Variants in C8orf89 observed in about 807,000 individuals in gnomAD.
The protein encoded by C8orf89 is putative uncharacterized protein C8orf89.
In C8orf89, 14 loss-of-function variants were observed where a neutral mutation model predicts 15.8. The observed-to-expected ratio is 0.89, with a 90% CI of 0.59 to 1.39. The LOEUF (loss-of-function observed/expected upper bound fraction) is 1.39. Among genes scored for constraint, C8orf89 ranks in the 40% most tolerant of loss-of-function variants. C8orf89 has a pLI of 0.00. For missense variants in C8orf89, 181 were observed against 184.5 expected (o/e 0.98, Z 0.11); for synonymous variants, 55 against 62.2 (o/e 0.88, Z 0.54).
At chr8:73,246,072 A>G (rs1813115752) in intron 3 of C8orf89, among the ~76,000 whole-genome samples, 2 of 152,258 alleles carry the variant, frequency 1.3e-5, no homozygotes, top group Admixed American at 1.3e-4. Flanking sequence ...AAAAAATGCC[A>G]AATGAGATAT....
At chr8:73,265,143 G>T in the C8orf89 span, among the ~76,000 whole-genome samples, 1 of 151,846 alleles carries the variant, frequency 6.6e-6, no homozygotes, top group African/African-American at 2.4e-5. Flanking sequence ...ATTTTATGTT[G>T]AAATGATACT....
At chr8:73,262,829 A>G (rs367697668), upstream of C8orf89, among the ~76,000 whole-genome samples, 2 of 146,504 alleles carry the variant, frequency 1.4e-5, no homozygotes, top group Non-Finnish European at 1.5e-5. Flanking sequence ...AAAAAAAAAA[A>G]TTGAAAAAAA....
At chr8:73,274,340 A>G in the C8orf89 span, among the ~76,000 whole-genome samples, 4 of 151,984 alleles carry the variant, frequency 2.6e-5, no homozygotes, top group Non-Finnish European at 5.9e-5. Context: ...TTTAGTAGAG[A>G]TGGGGTTTCA....
chr8:73,275,610 G>T, the C8orf89 span, among the ~76,000 whole-genome samples: 1 of 152,078 alleles, frequency 6.6e-6, no homozygotes, highest in Non-Finnish European at 1.5e-5. Context: ...TTCCCTAAAA[G>T]TGTTTATTTG....
the C8orf89 span, among the ~76,000 whole-genome samples, chr8:73,274,180 A>G: frequency 2.6e-5 from 4 of 151,948 alleles, no homozygotes; most frequent in East Asian, 1.9e-4. Context: ...TTGAGATGGA[A>G]TCTTGCTCTG....
intron 2 of C8orf89, among the ~76,000 whole-genome samples, chr8:73,252,552 T>C (rs1008776070): frequency 6.6e-6 from 1 of 152,198 alleles, no homozygotes; most frequent in Non-Finnish European, 1.5e-5. Flanking sequence ...AAGTTCTTAT[T>C]CTTATTTTCA....
intron 3 of C8orf89, among the ~76,000 whole-genome samples, chr8:73,248,995 G>C (rs751308502): frequency 6.6e-6 from 1 of 151,842 alleles, no homozygotes; most frequent in Non-Finnish European, 1.5e-5. Context: ...AGGGTGGTGA[G>C]TGTCTTGTGC....
chr8:73,248,449 TA>T (rs1243896098), intron 3 of C8orf89, among the ~76,000 whole-genome samples: 1 of 152,218 alleles, frequency 6.6e-6, no homozygotes, highest in Non-Finnish European at 1.5e-5. Context: ...ATATGAATTT[TA>T]AAATAGTTTT....
the C8orf89 span, among the ~76,000 whole-genome samples, chr8:73,274,381 G>A: frequency 6.6e-6 from 1 of 152,080 alleles, no homozygotes; most frequent in Admixed American, 6.5e-5. Flanking sequence ...TCAACCTCCT[G>A]ACCTTGTGAT....
At chr8:73,258,769 C>T (rs915562293) in intron 1 of C8orf89, among the ~76,000 whole-genome samples, 2 of 151,786 alleles carry the variant, frequency 1.3e-5, no homozygotes, top group Admixed American at 1.3e-4. Context: ...TAGCCGGGAC[C>T]ACAGGCGCAC....
chr8:73,273,601 G>A, the C8orf89 span, among the ~76,000 whole-genome samples: 5 of 152,158 alleles, frequency 3.3e-5, no homozygotes, highest in African/African-American at 7.2e-5. Context: ...CACCATGGAC[G>A]GCAGGTTGAT....
the C8orf89 span, among the ~76,000 whole-genome samples, chr8:73,275,071 G>T: frequency 3.9e-5 from 6 of 151,966 alleles, no homozygotes; most frequent in Admixed American, 3.3e-4. Flanking sequence ...CCTAAAATTG[G>T]ATTCACTGGT....
intron 3 of C8orf89, among the ~76,000 whole-genome samples, chr8:73,248,222 T>G (rs1021073721): frequency 6.6e-6 from 1 of 152,124 alleles, no homozygotes; most frequent in Non-Finnish European, 1.5e-5. Context: ...CTTGTTTTTG[T>G]CAGCTTTGTT....
the C8orf89 span, among the ~76,000 whole-genome samples, chr8:73,273,703 G>A: frequency 6.6e-6 from 1 of 151,906 alleles, no homozygotes; most frequent in Non-Finnish European, 1.5e-5. Flanking sequence ...CGTGAAGTCT[G>A]CGCCCAGAGT....
upstream of C8orf89, among the ~76,000 whole-genome samples, chr8:73,262,198 A>G (rs990054791): frequency 1.3e-5 from 2 of 152,182 alleles, no homozygotes; most frequent in East Asian, 3.9e-4. Context: ...AAAGGTGAAG[A>G]TGACCAGACA....
intron 2 of C8orf89, among the ~76,000 whole-genome samples, chr8:73,253,149 A>G (rs1212253930): frequency 1.3e-5 from 2 of 152,222 alleles, no homozygotes. Flanking sequence ...TCTCAAAAAA[A>G]AGAAAAAGGA....
intron 3 of C8orf89, among the ~76,000 whole-genome samples, chr8:73,249,300 T>C (rs1813196073): frequency 1.3e-5 from 2 of 152,212 alleles, no homozygotes; most frequent in African/African-American, 4.8e-5. Context: ...AGCTTTTTGG[T>C]ATACTGCTGG....
At chr8:73,253,634 C>G (rs1813299949) in intron 2 of C8orf89, among the ~76,000 whole-genome samples, 2 of 151,724 alleles carry the variant, frequency 1.3e-5, no homozygotes, top group African/African-American at 4.9e-5. Flanking sequence ...TGTAGTTCTC[C>G]TTGAAGAGGT....
chr8:73,280,126 T>A, the C8orf89 span, among the ~76,000 whole-genome samples: 1 of 152,352 alleles, frequency 6.6e-6, no homozygotes, highest in South Asian at 2.1e-4. Context: ...CAGTACTTCT[T>A]TGTGACTCCC....
Sources: allele counts gnomAD v4.1 joint callset (sites outside exome capture counted in the v4.1 genomes callset), GRCh38; gene constraint gnomAD v4.1.1; transcripts MANE v1.5; gene names NCBI Gene and HGNC (gene_info 2026-07-23, HGNC 2026-07-21).